The following TANC2 variants were observed in gnomAD, a reference collection of about 807,000 sequenced individuals.
TANC2 encodes tetratricopeptide repeat, ankyrin repeat and coiled-coil containing 2, also known as protein TANC2.
In TANC2, 26 loss-of-function variants were observed where a neutral mutation model predicts 210.5. The ratio of observed to expected loss-of-function variants is 0.12; its 90% CI spans 0.09 to 0.17. TANC2 has a LOEUF of 0.17. Ranked by LOEUF, TANC2 falls within the 10% of genes least tolerant of loss-of-function variation. The pLI is 1.00. For missense variants in TANC2, 2,129 were observed against 2,608.9 expected (o/e 0.82, Z 4.01); for synonymous variants, 931 against 967.1 (o/e 0.96, Z 0.69).
intron 1 of TANC2, among the ~76,000 whole-genome samples, chr17:62,979,562 A>G (rs1390188006): frequency 6.6e-6 from 1 of 152,176 alleles, no homozygotes; most frequent in African/African-American, 2.4e-5. Flanking sequence ...GGTTTAGGAA[A>G]GCATTTTTTA....
intron 14 of TANC2, among the ~76,000 whole-genome samples, chr17:63,355,749 CT>C (rs1261701415): frequency 6.6e-6 from 1 of 152,150 alleles, no homozygotes; most frequent in Non-Finnish European, 1.5e-5. Flanking sequence ...TTGTAAATCT[CT>C]TTGATTTAGG....
At position 63,420,026 on chromosome 17, in the gene TANC2, G is replaced by A; in HGVS notation, c.4296G>A (p.Leu1432=). The A allele has an allele frequency of 1.3e-6, 2 of 1,550,618 alleles. No homozygotes were observed. The highest frequency in any genetic ancestry group is 1.7e-6 in the Non-Finnish European group (2 of 1,145,784). The stretch of plus-strand genomic sequence containing the variant: ...AGTTCGCAGCAGCCTTAGAGGACCT[G>A]AACGAGGCCATCAAGCTGTGTCCCA... Residue 1432 remains leucine (L), a synonymous_variant, in exon 28 of 28, where the codon CTG becomes CTA. Transcript: ENST00000689528. This position sits in a 1 kb window ranked among gnomAD's most constrained non-coding sequence, Gnocchi z 4.2.
intron 15 of TANC2, among the ~76,000 whole-genome samples, chr17:63,384,708 A>G (rs1357694343): frequency 6.6e-6 from 1 of 152,184 alleles, no homozygotes; most frequent in African/African-American, 2.4e-5. Context: ...TTAATTTAAT[A>G]GTTGGGAAAA....
At chr17:63,157,029 T>G (rs887028322) in intron 5 of TANC2, among the ~76,000 whole-genome samples, 1 of 152,154 alleles carries the variant, frequency 6.6e-6, no homozygotes, top group Non-Finnish European at 1.5e-5. Context: ...TTTCCTGATC[T>G]TTAGTTTTTC....
At chr17:63,203,953 G>A (rs986724441) in intron 7 of TANC2, among the ~76,000 whole-genome samples, 6 of 152,082 alleles carry the variant, frequency 3.9e-5, no homozygotes, top group African/African-American at 1.4e-4. Flanking sequence ...AAGAATAAAA[G>A]TAAATATTTT....
At chr17:63,396,451 A>G (rs961011252) in intron 18 of TANC2, 1 of 158,164 alleles carries the variant, frequency 6.3e-6, no homozygotes, top group Non-Finnish European at 1.4e-5. Flanking sequence ...TAAACATTAT[A>G]CAGTTTATTT....
rs549414417 is a variant in TANC2, at chr17:63,172,193, CT to C, written c.433+20829del. Reference sequence around the variant, plus strand: ...TTTTTCTTTTTCTTTCTTTTCTTTTCTTTTTTTTTTTTTTTTAGATGGAGTT... The same window carrying C: ...TTTTTCTTTTTCTTTCTTTTCTTTTCTTTTTTTTTTTTTTTAGATGGAGTT... On this transcript the variant is annotated intron_variant, in intron 5 of 27. Transcript: ENST00000689528. Among the ~76,000 whole-genome samples the C allele has an allele frequency of 9.9e-3, 1,292 of 130,972 alleles. 4 individuals carry two copies. The highest frequency in any genetic ancestry group is 0.013 in the Non-Finnish European group (762 of 60,054). The allele number at this position is 130,972 out of a possible 152,430, so 85.9% of individuals were successfully genotyped here. A position where few individuals can be genotyped will look rare whatever the true frequency, so the allele number is the denominator to read the frequency against.
At chr17:63,071,374 C>G (rs1361075501) in intron 2 of TANC2, among the ~76,000 whole-genome samples, 1 of 152,032 alleles carries the variant, frequency 6.6e-6, no homozygotes, top group African/African-American at 2.4e-5. Context: ...TCATTGTAAC[C>G]TCAAATTCCT....
intron 12 of TANC2, among the ~76,000 whole-genome samples, chr17:63,346,441 G>A (rs1376672165): frequency 2.0e-5 from 3 of 152,122 alleles, no homozygotes; most frequent in African/African-American, 2.4e-5. Flanking sequence ...ATGGACAAGC[G>A]ATTTAGACAC....
intron 9 of TANC2, among the ~76,000 whole-genome samples, chr17:63,293,800 C>T (rs1329875587): frequency 6.6e-6 from 1 of 151,968 alleles, no homozygotes; most frequent in Non-Finnish European, 1.5e-5. Context: ...AGTGCAGTAC[C>T]ATAATCACAG....
chr17:63,047,732 T>A (rs1321203027), intron 2 of TANC2, among the ~76,000 whole-genome samples: 6 of 152,144 alleles, frequency 3.9e-5, no homozygotes, highest in African/African-American at 1.4e-4. Flanking sequence ...GAAAAATATC[T>A]TTTCTTCATT....
At chr17:63,008,879 G>A (rs930037666) in intron 1 of TANC2, among the ~76,000 whole-genome samples, 4 of 151,902 alleles carry the variant, frequency 2.6e-5, no homozygotes, top group Admixed American at 2.0e-4. Flanking sequence ...GTGTTTGTGC[G>A]TCAGGTAGGA....
chr17:62,978,973 T>A (rs551210644), intron 1 of TANC2: 1 of 152,364 alleles, frequency 6.6e-6, no homozygotes, highest in African/African-American at 2.4e-5. Flanking sequence ...TATGGCATAA[T>A]TTCCTAATCC....
chr17:62,989,177 G>T (rs1432368338), intron 1 of TANC2, among the ~76,000 whole-genome samples: 1 of 152,110 alleles, frequency 6.6e-6, no homozygotes, highest in Non-Finnish European at 1.5e-5. Context: ...AGGCAGAACT[G>T]CTTGTTAACC....
At chr17:63,108,549 C>T (rs778282780) in intron 4 of TANC2, among the ~76,000 whole-genome samples, 4 of 151,780 alleles carry the variant, frequency 2.6e-5, no homozygotes, top group Non-Finnish European at 4.4e-5. Flanking sequence ...TTGTGGCTCA[C>T]GCCTGTAATC....
intron 5 of TANC2, among the ~76,000 whole-genome samples, chr17:63,175,961 A>G (rs1275962835): frequency 6.6e-6 from 1 of 152,236 alleles, no homozygotes; most frequent in Non-Finnish European, 1.5e-5. Context: ...GATGTTCAAC[A>G]CCATTATCAG....
Position 63,413,729 on chromosome 17 carries a change from C to T in TANC2, c.4020+95C>T, listed in dbSNP as rs1198107723. ...AAGTCTTGATAATTCTCATCCTTTG[C>T]GTAGAGGCAAAGGGAAACTACTGTT... On this transcript the variant is annotated intron_variant, in intron 25 of 27. Coordinates refer to ENST00000689528, the Ensembl canonical transcript of TANC2. The T allele has an allele frequency of 8.5e-6, 10 of 1,170,810 alleles. No individual in the cohort carries two copies. In the East Asian group the frequency reaches 2.1e-4, roughly 24 times the overall value. 72.5% of individuals were successfully genotyped at this position (1,170,810 alleles called of 1,614,324 possible).
intron 9 of TANC2, among the ~76,000 whole-genome samples, chr17:63,289,718 G>A (rs2044328778): frequency 6.6e-6 from 1 of 152,092 alleles, no homozygotes; most frequent in African/African-American, 2.4e-5. Context: ...TCTTCACATT[G>A]TGTTCTTTGC....
intron 4 of TANC2, among the ~76,000 whole-genome samples, chr17:63,139,007 A>G (rs1220488878): frequency 6.6e-6 from 1 of 152,262 alleles, no homozygotes; most frequent in South Asian, 2.1e-4. Flanking sequence ...TATTAAAAGT[A>G]TAGAGAACTG....
Sources: gnomAD v4.1 joint callset for allele counts (sites outside exome capture counted in the v4.1 genomes callset) on GRCh38, gnomAD v4.1.1 for gene constraint, Gnocchi (gnomAD v3.1) non-coding constraint, MANE v1.5 for transcripts, NCBI Gene and HGNC (gene_info 2026-07-23, HGNC 2026-07-21) for gene names.